Variants in MPHOSPH8 observed in about 807,000 individuals in gnomAD.
MPHOSPH8 encodes the protein M-phase phosphoprotein 8.
MPHOSPH8 carries 45 observed loss-of-function variants against 87.3 expected under a neutral mutation model. The ratio of observed to expected loss-of-function variants is 0.52; its 90% CI spans 0.41 to 0.66. The LOEUF is 0.66. Among genes scored for constraint, MPHOSPH8 ranks in the 30% least tolerant of loss-of-function variants. MPHOSPH8 has a pLI of 0.00. For synonymous variants in MPHOSPH8, 366 were observed against 376.9 expected, an observed-to-expected ratio of 0.97 and a Z score of 0.33; for missense variants, 883 against 1,020.2, an observed-to-expected ratio of 0.87 and a Z score of 1.83.
At chr13:19,658,943 G>GT in intron 5 of MPHOSPH8, 52 bp from the exon 6 acceptor site, 1 of 1,585,568 alleles carries the variant, frequency 6.3e-7, no homozygotes, top group Non-Finnish European at 8.6e-7. Context: ...AACATTGTGG[G>GT]TTTTTTATAC....
At chr13:19,660,472 G>A (rs995546150) in intron 7 of MPHOSPH8, among the ~76,000 whole-genome samples, 19 of 151,818 alleles carry the variant, frequency 1.3e-4, no homozygotes, top group African/African-American at 4.6e-4. Flanking sequence ...GGATTTTTTA[G>A]GTTTAATCCT....
At position 19,668,630 on chromosome 13, in the gene MPHOSPH8, A is replaced by G. The variant is rs1875950557; in HGVS notation, c.2329+99A>G. 3.1e-6 allele frequency: 4 copies of G among 1,300,940 alleles called. No individual in the cohort carries two copies. In the South Asian group the frequency reaches 4.5e-5, roughly 15 times the overall value. 80.6% of individuals were successfully genotyped at this position (1,300,940 alleles called of 1,614,324 possible). On this transcript the variant is annotated intron_variant, in intron 11 of 13. Transcript: ENST00000361479. ...CTTTCTTGGAACAAAACTTTAAGGA[A>G]ATTCCATTACGTGTAATAATTCTGC...
intron 5 of MPHOSPH8, among the ~76,000 whole-genome samples, chr13:19,657,345 A>C (rs1875245684): frequency 6.6e-6 from 1 of 151,872 alleles, no homozygotes; most frequent in African/African-American, 2.4e-5. Flanking sequence ...GTGAAACCCC[A>C]TCTCTACTAC....
In MPHOSPH8 at chr13:19,642,044, T is replaced by TTG. The variant is rs1185260983; in HGVS notation, c.214-70_214-69insGT. ...TTCTTTCATGTCTTCTCATCAGTTT[T>TTG]TTTTTTTTTTTTGGAAATTTAATCA... On this transcript the variant is annotated intron_variant, in intron 1 of 13. Coordinates refer to ENST00000361479, the MANE Select transcript of MPHOSPH8 (RefSeq NM_017520.4). The TTG allele has an allele frequency of 5.7e-6, 6 of 1,057,302 alleles. No individual in the cohort carries two copies. In the East Asian group the frequency reaches 1.1e-4, roughly 19 times the overall value. 65.5% of individuals were successfully genotyped at this position (1,057,302 alleles called of 1,614,324 possible). A position where few individuals can be genotyped will look rare whatever the true frequency, so the allele number is the denominator to read the frequency against.
At chr13:19,647,419 C>T (rs1874628006) in intron 3 of MPHOSPH8, 128 bp downstream of exon 3, 1 of 763,016 alleles carries the variant, frequency 1.3e-6, no homozygotes, top group South Asian at 2.3e-5. Context: ...TGAAGATCCT[C>T]CAGCTTTTGG....
rs537065365 is a variant in MPHOSPH8, at chr13:19,651,873, G to C, written c.1576+1613G>C. Among the ~76,000 whole-genome samples the C allele has an allele frequency of 2.0e-5, 3 of 152,210 alleles. No homozygotes were observed. The East Asian group carries it at 5.8e-4, about 29-fold the overall frequency. On this transcript the variant is annotated intron_variant, in intron 5 of 13. Transcript: ENST00000361479. ...CCAGCACTTTGGGAGGCCGAGGCAG[G>C]CAGATCACAAGGTCAGGAGTCCGAG...
intron 8 of MPHOSPH8, among the ~76,000 whole-genome samples, chr13:19,662,128 A>G (rs1021290388): frequency 6.6e-6 from 1 of 151,704 alleles, no homozygotes; most frequent in African/African-American, 2.4e-5. Flanking sequence ...TTTAGTAGAG[A>G]TGGGGTTTCA....
intron 2 of MPHOSPH8, among the ~76,000 whole-genome samples, chr13:19,644,591 C>T (rs1180942083): frequency 6.6e-6 from 1 of 152,206 alleles, no homozygotes; most frequent in African/African-American, 2.4e-5. Context: ...AAAGTGTGGA[C>T]TCCGGCAGGA....
Position 19,660,677 on chromosome 13 carries a change from A to G in MPHOSPH8, c.1792-1021A>G, listed in dbSNP as rs181044253. On this transcript the variant is annotated intron_variant, in intron 7 of 13. Transcript: ENST00000361479. ...TTCATATAGACGTTGCACATTTCCT[A>G]TAGATGTATGCCTATATGTTTTATA... 3.3e-5 allele frequency among the ~76,000 whole-genome samples: 5 copies of G among 152,192 alleles called. No individual in the cohort carries two copies. In the East Asian group the frequency reaches 5.8e-4, roughly 18 times the overall value.
chr13:19,646,565 C>T lies in MPHOSPH8; in HGVS notation c.492C>T (p.Ser164=), dbSNP rs1158768566. The change falls in exon 3 of 14, where the codon AGC becomes AGT. Residue 164 remains serine, a synonymous_variant. Transcript: ENST00000361479. ...AATTGAGGCAGAGAGAAGAGAAAAG[C>T]CCAGATGATCTGAAAAAGAAAAAAG... ...KKKLRQREEK[S]PDDLKKKKAK... 1 of 1,584,528 alleles carries T rather than the reference C, an allele frequency of 6.3e-7. No individual in the cohort carries two copies. Among genetic ancestry groups the T allele is most frequent in the Non-Finnish European group, 8.5e-7 (1 of 1,173,056 alleles).
At chr13:19,668,640 C>T (rs949324171) in intron 11 of MPHOSPH8, 109 bp downstream of exon 11, 11 of 1,233,024 alleles carry the variant, frequency 8.9e-6, no homozygotes, top group Middle Eastern at 2.6e-4. Context: ...AATTCCATTA[C>T]GTGTAATAAT....
chr13:19,667,585 C>T (rs1442957481), intron 10 of MPHOSPH8, among the ~76,000 whole-genome samples: 1 of 152,092 alleles, frequency 6.6e-6, no homozygotes, highest in East Asian at 1.9e-4. Flanking sequence ...TTGCCCTTTC[C>T]AGAACAGGTG....
intron 10 of MPHOSPH8, among the ~76,000 whole-genome samples, chr13:19,667,458 C>T (rs1407599467): frequency 6.6e-6 from 1 of 152,168 alleles, no homozygotes; most frequent in Non-Finnish European, 1.5e-5. Context: ...ACATCCATCC[C>T]TCATCACAGT....
At chr13:19,660,793 A>G in intron 7 of MPHOSPH8, 2 of 299,172 alleles carry the variant, frequency 6.7e-6, no homozygotes, top group Non-Finnish European at 9.9e-6. Flanking sequence ...TTGTACACAT[A>G]AGTGTGTGTA....
At chr13:19,663,254 G>A in intron 9 of MPHOSPH8, 128 bp downstream of exon 9, 1 of 796,090 alleles carries the variant, frequency 1.3e-6, no homozygotes. Context: ...CCTAGAGTCA[G>A]CCGCTTGCAG....
chr13:19,643,059 G>A (rs1008922872), intron 2 of MPHOSPH8, among the ~76,000 whole-genome samples: 5 of 152,104 alleles, frequency 3.3e-5, no homozygotes, highest in African/African-American at 1.2e-4. Context: ...GACACTAATG[G>A]ACTTCTACTG....
At chr13:19,651,852 C>A (rs189601766) in intron 5 of MPHOSPH8, among the ~76,000 whole-genome samples, 13 of 152,198 alleles carry the variant, frequency 8.5e-5, no homozygotes, top group Admixed American at 6.5e-4. Flanking sequence ...GTAATCCCAG[C>A]ACTTTGGGAG....
chr13:19,668,531 G>A lies in MPHOSPH8; in HGVS notation c.2329G>A (p.Gly777Ser). Residue 777 changes from glycine (G) to serine (S), a missense_variant and splice_region_variant, in exon 11 of 14, where the codon GGC (glycine) becomes AGC (serine). Gly to Ser is a moderately conservative substitution (Grantham distance 56). Around this residue, in one of 3 missense-constraint regions of MPHOSPH8, gnomAD observed 741 missense variants for 841.5 expected, o/e 0.88. Coordinates refer to ENST00000361479, the MANE Select transcript of MPHOSPH8 (RefSeq NM_017520.4). The stretch of plus-strand genomic sequence containing the variant: ...CAAACCCCCACAGAACATACCAGAA[G>A]GTAAGCCGATGCCTCCCTTCACACT... ...NYKPPQNIPE[G>S]SGILLFIFHA... The A allele has an allele frequency of 6.2e-7, 1 of 1,612,222 alleles. No individual in the cohort carries two copies. The highest frequency in any genetic ancestry group is 8.5e-7 in the Non-Finnish European group (1 of 1,179,362).
chr13:19,667,261 C>T (rs1027893983), intron 10 of MPHOSPH8, among the ~76,000 whole-genome samples: 35 of 152,074 alleles, frequency 2.3e-4, no homozygotes, highest in Admixed American at 1.4e-3. Flanking sequence ...CAAAGTTGAG[C>T]GGAGGGTACA....
Sources: gnomAD v4.1 joint callset for allele counts (sites outside exome capture counted in the v4.1 genomes callset) on GRCh38, gnomAD v4.1.1 for gene constraint, gnomAD v4.1.1 regional missense constraint, MANE v1.5 for transcripts, NCBI Gene and HGNC (gene_info 2026-07-23, HGNC 2026-07-21) for gene names.